The following WWOX variants were observed in gnomAD, a reference collection of about 807,000 sequenced individuals.
WWOX encodes the protein WW domain containing oxidoreductase.
In WWOX, 69 loss-of-function variants were observed where a neutral mutation model predicts 46.2. The observed-to-expected ratio is 1.49, with a 90% CI of 1.23 to 1.82. The LOEUF (loss-of-function observed/expected upper bound fraction) is 1.82. WWOX is among the 40% of genes most tolerant of loss of function. The pLI, the probability that WWOX is intolerant of heterozygous loss-of-function variation, is 0.00. For synonymous variants in WWOX, 359 were observed against 202.6 expected (o/e 1.77, Z -6.56); for missense variants, 919 against 542.6 (o/e 1.69, Z -6.89).
chr16:78,774,531 T>TGC (rs1555532883), intron 8 of WWOX, among the ~76,000 whole-genome samples: 3 of 144,328 alleles, frequency 2.1e-5, no homozygotes, highest in Admixed American at 6.7e-5. Context: ...TGTGTGTGTG[T>TGC]GCGCGTGCGC....
intron 8 of WWOX, among the ~76,000 whole-genome samples, chr16:79,029,581 A>G (rs946670588): frequency 6.6e-6 from 1 of 152,166 alleles, no homozygotes; most frequent in Non-Finnish European, 1.5e-5. Context: ...CTGTTTTTCT[A>G]TATCCTCCTC....
Position 78,487,469 on chromosome 16 carries a change from C to T in WWOX, c.1056+54717C>T, listed in dbSNP as rs141179708. ...AATGTTCCGTCTTTGCATGGTGTTACAACAGCGGGACCATTTTACACTGAG... is the reference window on the plus strand; with the variant it reads ...AATGTTCCGTCTTTGCATGGTGTTATAACAGCGGGACCATTTTACACTGAG... On this transcript the variant is annotated intron_variant, in intron 8 of 8. Transcript: ENST00000566780. 5.5e-3 allele frequency among the ~76,000 whole-genome samples: 834 copies of T among 152,266 alleles called. 7 individuals are homozygous for T. The highest frequency in any genetic ancestry group is 0.018 in the African/African-American group (750 of 41,542).
intron 8 of WWOX, among the ~76,000 whole-genome samples, chr16:79,191,080 C>T (rs1308857898): frequency 6.6e-6 from 1 of 152,138 alleles, no homozygotes; most frequent in Non-Finnish European, 1.5e-5. Context: ...GGGTCTCGCT[C>T]TGTTGCAGTG....
intron 8 of WWOX, among the ~76,000 whole-genome samples, chr16:78,556,768 T>G (rs1325057202): frequency 6.6e-6 from 1 of 151,716 alleles, no homozygotes; most frequent in Non-Finnish European, 1.5e-5. Context: ...CAGCCTGGAG[T>G]GAAGTGGCAT....
intron 5 of WWOX, among the ~76,000 whole-genome samples, chr16:78,195,447 G>A (rs577931746): frequency 6.6e-6 from 1 of 152,070 alleles, no homozygotes; most frequent in Non-Finnish European, 1.5e-5. Context: ...CTTAAGTACC[G>A]TTGGTCCTGA....
intron 8 of WWOX, among the ~76,000 whole-genome samples, chr16:79,069,702 A>G (rs556557786): frequency 5.3e-5 from 8 of 152,340 alleles, no homozygotes; most frequent in East Asian, 3.9e-4. Flanking sequence ...GTAGCAGTCA[A>G]TTAAATGAGG....
intron 8 of WWOX, among the ~76,000 whole-genome samples, chr16:78,826,271 G>A (rs553770258): frequency 3.3e-5 from 5 of 152,262 alleles, no homozygotes; most frequent in East Asian, 1.9e-4. Flanking sequence ...GCTTGAACCC[G>A]GGAGGTGGAG....
chr16:78,854,832 T>G (rs2052530144), intron 8 of WWOX, among the ~76,000 whole-genome samples: 1 of 151,664 alleles, frequency 6.6e-6, no homozygotes, highest in African/African-American at 2.4e-5. Context: ...TCTGCCCTCC[T>G]CGGCCTCCCA....
intron 8 of WWOX, among the ~76,000 whole-genome samples, chr16:79,168,828 C>A (rs1381304736): frequency 7.2e-5 from 11 of 152,180 alleles, no homozygotes; most frequent in Admixed American, 7.2e-4. Flanking sequence ...AGAATTCACT[C>A]TCTCCACACC....
intron 8 of WWOX, among the ~76,000 whole-genome samples, chr16:79,013,876 T>C (rs1350173426): frequency 6.6e-6 from 1 of 152,200 alleles, no homozygotes; most frequent in Non-Finnish European, 1.5e-5. Flanking sequence ...CAGGTGTTTG[T>C]AATCACATAT....
chr16:78,327,148 C>T (rs1440782689), intron 5 of WWOX, among the ~76,000 whole-genome samples: 1 of 152,156 alleles, frequency 6.6e-6, no homozygotes, highest in Non-Finnish European at 1.5e-5. Flanking sequence ...CTGGTGAAGG[C>T]CATCCAAGCC....
chr16:79,019,976 A>G (rs956396316), intron 8 of WWOX, among the ~76,000 whole-genome samples: 8 of 152,254 alleles, frequency 5.3e-5, no homozygotes, highest in Non-Finnish European at 1.2e-4. Flanking sequence ...TTAGCCTCTC[A>G]CTTCTCTACT....
chr16:79,202,431 C>T (rs1292515254), intron 8 of WWOX, among the ~76,000 whole-genome samples: 1 of 152,030 alleles, frequency 6.6e-6, no homozygotes, highest in Non-Finnish European at 1.5e-5. Flanking sequence ...TAGAAAGATC[C>T]AAAGAAACCT....
intron 5 of WWOX, among the ~76,000 whole-genome samples, chr16:78,180,613 C>T (rs538635344): frequency 1.1e-3 from 166 of 151,254 alleles, no homozygotes; most frequent in African/African-American, 3.9e-3. Flanking sequence ...AATCCAGTTG[C>T]ACCTGGCAGT....
chr16:79,034,011 AG>A (rs2047817855), intron 8 of WWOX, among the ~76,000 whole-genome samples: 1 of 152,162 alleles, frequency 6.6e-6, no homozygotes, highest in Admixed American at 6.5e-5. Context: ...TCCTGGGGAA[AG>A]TAGTTATGTC....
chr16:78,891,979 A>G (rs1322001641), intron 8 of WWOX: 1 of 152,174 alleles, frequency 6.6e-6, no homozygotes, highest in Non-Finnish European at 1.5e-5. Flanking sequence ...AGAAATCATA[A>G]CCTAGGATAT....
In WWOX at chr16:78,856,129, G is replaced by A. The variant is rs780157587; in HGVS notation, c.1057-355479G>A. On this transcript the variant is annotated intron_variant, in intron 8 of 8. Coordinates refer to ENST00000566780, the MANE Select transcript of WWOX (RefSeq NM_016373.4). The stretch of plus-strand genomic sequence containing the variant: ...GCAGAGGGATCAGCATAGGAAAGGA[G>A]TTCAGGGTTGAAAAGAGTCAGTCTG... Among the ~76,000 whole-genome samples the A allele has an allele frequency of 7.2e-5, 11 of 152,208 alleles. 1 individual carries two copies. Among genetic ancestry groups the A allele is most frequent in the Non-Finnish European group, 1.2e-4 (8 of 68,042 alleles).
chr16:78,864,893 G>C (rs1209140912), intron 8 of WWOX, among the ~76,000 whole-genome samples: 2 of 149,988 alleles, frequency 1.3e-5, no homozygotes, highest in African/African-American at 4.9e-5. Context: ...CCCCCGAGTA[G>C]CTGGGACCAC....
At chr16:78,309,195 T>G (rs1039852478) in intron 5 of WWOX, among the ~76,000 whole-genome samples, 16 of 152,196 alleles carry the variant, frequency 1.1e-4, no homozygotes, top group Middle Eastern at 3.2e-3. Flanking sequence ...ACCAGGTGGA[T>G]GTAATTGAAT....
Sources: allele counts gnomAD v4.1 joint callset (sites outside exome capture counted in the v4.1 genomes callset), GRCh38; gene constraint gnomAD v4.1.1; transcripts MANE v1.5; gene names NCBI Gene and HGNC (gene_info 2026-07-23, HGNC 2026-07-21).